The following CDK8 variants were observed in gnomAD, a reference collection of about 807,000 sequenced individuals.
CDK8 encodes the protein cyclin-dependent kinase 8.
CDK8 carries 29 observed loss-of-function variants against 71.5 expected under a neutral mutation model. That is an observed-to-expected ratio of 0.41 (90% CI 0.30 to 0.55). CDK8 has a LOEUF of 0.55. Among genes scored for constraint, CDK8 ranks in the 20% least tolerant of loss-of-function variants. The pLI, the probability that CDK8 is intolerant of heterozygous loss-of-function variation, is 0.37. For synonymous variants in CDK8, 161 were observed against 192.1 expected (o/e 0.84, Z 1.34); for missense variants, 288 against 572.6 (o/e 0.50, Z 5.07).
intron 1 of CDK8, among the ~76,000 whole-genome samples, chr13:26,329,469 G>GTT (rs35796023): frequency 1.1e-3 from 82 of 71,556 alleles, no homozygotes; most frequent in Middle Eastern, 0.01. Flanking sequence ...GCCTATTTCT[G>GTT]TTTTTTTTTT....
chr13:26,385,284 A>G lies in CDK8; in HGVS notation c.588A>G (p.Thr196=). 1.2e-6 allele frequency: 2 copies of G among 1,613,500 alleles called. No homozygotes were observed. The highest frequency in any genetic ancestry group is 1.7e-6 in the Non-Finnish European group (2 of 1,179,444). ...CAGATTTGGATCCAGTGGTTGTTACATTCTGGTACCGAGCCCCTGAACTAC... is the reference window on the plus strand; with the variant it reads ...CAGATTTGGATCCAGTGGTTGTTACGTTCTGGTACCGAGCCCCTGAACTAC... ...PLADLDPVVV[T]FWYRAPELLL... The change falls in exon 6 of 13, where the codon ACA becomes ACG. Residue 196 remains threonine, a synonymous_variant. Transcript: ENST00000381527.
intron 1 of CDK8, among the ~76,000 whole-genome samples, chr13:26,332,209 G>A (rs1872786523): frequency 6.6e-6 from 1 of 151,864 alleles, no homozygotes. Flanking sequence ...TGTTTTTGGT[G>A]GAGTCTTTAG....
chr13:26,388,252 C>CA (rs1362442375), intron 6 of CDK8, among the ~76,000 whole-genome samples: 2 of 152,138 alleles, frequency 1.3e-5, no homozygotes, highest in Non-Finnish European at 2.9e-5. Context: ...ATTCTCTATA[C>CA]TATCTTTGTA....
intron 1 of CDK8, among the ~76,000 whole-genome samples, chr13:26,287,047 G>A (rs1873055630): frequency 6.6e-6 from 1 of 152,148 alleles, no homozygotes; most frequent in East Asian, 1.9e-4. Flanking sequence ...CTTTTACACT[G>A]CTGGTGGGAA....
chr13:26,315,300 C>G lies in CDK8; in HGVS notation c.129-22267C>G, dbSNP rs115935002. Among the ~76,000 whole-genome samples, 971 of 152,232 alleles carry G rather than the reference C, an allele frequency of 6.4e-3. 10 individuals are homozygous for G. The highest frequency in any genetic ancestry group is 0.021 in the African/African-American group (868 of 41,546). ...GGTAGTGTTTTGTAAGGTCTGTCATCCTTTGTGTTGTTCATAGAATATATA... is the reference window on the plus strand; with the variant it reads ...GGTAGTGTTTTGTAAGGTCTGTCATGCTTTGTGTTGTTCATAGAATATATA... On this transcript the variant is annotated intron_variant, in intron 1 of 12. Transcript: ENST00000381527.
intron 6 of CDK8, among the ~76,000 whole-genome samples, chr13:26,390,125 T>C (rs1478432742): frequency 1.3e-5 from 2 of 152,210 alleles, no homozygotes; most frequent in Non-Finnish European, 2.9e-5. Flanking sequence ...ATTAAAATAC[T>C]CAACAAATTT....
At chr13:26,307,340 A>G (rs1874091258) in intron 1 of CDK8, among the ~76,000 whole-genome samples, 1 of 152,208 alleles carries the variant, frequency 6.6e-6, no homozygotes, top group African/African-American at 2.4e-5. Context: ...TAGAAAAGTC[A>G]GAGAAGGAGG....
intron 3 of CDK8, among the ~76,000 whole-genome samples, chr13:26,352,748 A>G (rs1873735423): frequency 6.6e-6 from 1 of 152,174 alleles, no homozygotes; most frequent in African/African-American, 2.4e-5. Flanking sequence ...GATATTTGCT[A>G]TATATTTTTA....
chr13:26,353,706 T>A (rs748071248), intron 3 of CDK8, 34 bp from the exon 4 acceptor site: 2 of 1,521,300 alleles, frequency 1.3e-6, no homozygotes, highest in African/African-American at 1.4e-5. Context: ...TTCCTTTTTT[T>A]AAGCTTCTGT....
At chr13:26,260,454 C>T (rs1183169216) in intron 1 of CDK8, among the ~76,000 whole-genome samples, 3 of 152,130 alleles carry the variant, frequency 2.0e-5, no homozygotes, top group African/African-American at 7.2e-5. Context: ...TCTGTTTTGC[C>T]TGGGGCTCTG....
intron 1 of CDK8, chr13:26,324,629 T>A (rs1874940559): frequency 6.5e-6 from 1 of 153,368 alleles, no homozygotes; most frequent in Non-Finnish European, 1.4e-5. Context: ...AGTGCAAAAG[T>A]ATTCGTGTAC....
chr13:26,288,926 C>G (rs935713378), intron 1 of CDK8, among the ~76,000 whole-genome samples: 4 of 151,826 alleles, frequency 2.6e-5, no homozygotes, highest in African/African-American at 4.8e-5. Context: ...TAATTTTGTA[C>G]TTAAGGTAGA....
intron 4 of CDK8, among the ~76,000 whole-genome samples, chr13:26,375,067 G>A (rs1158374649): frequency 6.6e-6 from 1 of 151,962 alleles, no homozygotes; most frequent in East Asian, 1.9e-4. Flanking sequence ...GATTCTATCA[G>A]AAGAGTAATT....
intron 1 of CDK8, among the ~76,000 whole-genome samples, chr13:26,289,411 G>T (rs182629118): frequency 6.6e-6 from 1 of 152,012 alleles, no homozygotes; most frequent in East Asian, 1.9e-4. Flanking sequence ...TTTATACGTA[G>T]GTATTTGATG....
intron 1 of CDK8, among the ~76,000 whole-genome samples, chr13:26,257,014 G>A (rs371514412): frequency 6.6e-6 from 1 of 152,214 alleles, no homozygotes; most frequent in Admixed American, 6.5e-5. Flanking sequence ...TTGATCTTAT[G>A]TCAGTGAAAT....
At chr13:26,358,650 A>G (rs2138006918) in intron 4 of CDK8, among the ~76,000 whole-genome samples, 1 of 152,348 alleles carries the variant, frequency 6.6e-6, no homozygotes, top group South Asian at 2.1e-4. Context: ...TATATACCCA[A>G]AATAATTCAA....
intron 1 of CDK8, among the ~76,000 whole-genome samples, chr13:26,288,543 CTTA>C (rs1412245434): frequency 1.2e-3 from 174 of 151,148 alleles, no homozygotes; most frequent in African/African-American, 3.9e-3. Context: ...TCATTTATTT[CTTA>C]TTTTTTTTTT....
intron 4 of CDK8, among the ~76,000 whole-genome samples, chr13:26,356,117 G>A (rs1873886076): frequency 1.3e-5 from 2 of 152,136 alleles, no homozygotes; most frequent in South Asian, 4.2e-4. Context: ...CTGTCTGTTA[G>A]TGGTGTACTA....
intron 2 of CDK8, among the ~76,000 whole-genome samples, chr13:26,346,840 T>C (rs770289345): frequency 2.0e-5 from 3 of 152,254 alleles, no homozygotes; most frequent in Admixed American, 1.3e-4. Context: ...GAATATTTAA[T>C]TGATTTATAG....
Sources: gnomAD v4.1 joint callset for allele counts (sites outside exome capture counted in the v4.1 genomes callset) on GRCh38, gnomAD v4.1.1 for gene constraint, MANE v1.5 for transcripts, NCBI Gene and HGNC (gene_info 2026-07-23, HGNC 2026-07-21) for gene names.